The following PCDHGA9 variants were observed in gnomAD, a reference collection of about 807,000 sequenced individuals.
PCDHGA9 encodes protocadherin gamma subfamily A, 9.
In PCDHGA9, 37 loss-of-function variants were observed where a neutral mutation model predicts 62.5. That is an observed-to-expected ratio of 0.59 (90% CI 0.46 to 0.78). The LOEUF (loss-of-function observed/expected upper bound fraction) is 0.78, where lower values mean the gene tolerates loss of function less well. Ranked by LOEUF, PCDHGA9 falls within the 30% of genes least tolerant of loss-of-function variation. The probability of loss-of-function intolerance (pLI) is 0.00; values close to 1 mark genes in which losing one functional copy is unlikely to be tolerated. For missense variants in PCDHGA9, 1,138 were observed against 1,166.2 expected (o/e 0.98, Z 0.35); for synonymous variants, 459 against 484.6 (o/e 0.95, Z 0.69).
At chr5:141,464,838 A>G (rs2099091245) in intron 1 of PCDHGA9, among the ~76,000 whole-genome samples, 1 of 152,182 alleles carries the variant, frequency 6.6e-6, no homozygotes, top group African/African-American at 2.4e-5. Context: ...TCCTGGGCTC[A>G]AGCAATCCTC....
chr5:141,414,648 T>G (rs2095770464), intron 1 of PCDHGA9: 2 of 1,613,844 alleles, frequency 1.2e-6, no homozygotes, highest in Non-Finnish European at 1.7e-6. Context: ...ATGCCCAGAT[T>G]ATTTACTCCC....
chr5:141,437,037 A>G (rs1410732155), intron 1 of PCDHGA9, among the ~76,000 whole-genome samples: 2 of 152,264 alleles, frequency 1.3e-5, no homozygotes, highest in Admixed American at 1.3e-4. Flanking sequence ...TGGATCACCG[A>G]AACCAGAAGG....
chr5:141,423,564 G>A (rs2096754933), intron 1 of PCDHGA9: 2 of 1,613,444 alleles, frequency 1.2e-6, no homozygotes, highest in Non-Finnish European at 1.7e-6. Context: ...ATGGGGACAC[G>A]CTCATCAGCC....
At position 141,402,800 on chromosome 5, in the gene PCDHGA9, C is replaced by T; in HGVS notation, c.-153C>T. 1.9e-6 allele frequency: 2 copies of T among 1,072,726 alleles called. No individual in the cohort carries two copies. The highest frequency in any genetic ancestry group is 1.6e-5 in the African/African-American group (1 of 62,898). The allele number at this position is 1,072,726 out of a possible 1,614,324, so 66.5% of individuals were successfully genotyped here. A position where few individuals can be genotyped will look rare whatever the true frequency, so the allele number is the denominator to read the frequency against. On this transcript the variant is annotated 5_prime_UTR_variant, in exon 1 of 4. Transcript: ENST00000573521. ...TCCAGTTCTGCGGCTACACAAAACC[C>T]GGCAGATACCACAAACCTGCTCCCA... is the stretch of plus-strand genomic sequence containing the variant.
intron 1 of PCDHGA9, among the ~76,000 whole-genome samples, chr5:141,420,845 G>A (rs1038454602): frequency 6.6e-6 from 1 of 152,200 alleles, no homozygotes; most frequent in African/African-American, 2.4e-5. Flanking sequence ...GGTGTTCTTG[G>A]TAAAGTTTTA....
chr5:141,485,074 G>C lies in PCDHGA9; in HGVS notation c.2425-9733G>C, dbSNP rs2099606548. ...GGCCGAACCGCGCCAGAGCTGGCGC[G>C]GGGAAAGGGAGATAGGTGTCTCCAG... On this transcript the variant is annotated intron_variant, in intron 1 of 3. Coordinates refer to ENST00000573521, the MANE Select transcript of PCDHGA9 (RefSeq NM_018921.3). The surrounding 1 kb of genome is among the most constrained non-coding windows in gnomAD (Gnocchi z 5.7). 1 of 926,946 alleles carries C rather than the reference G, an allele frequency of 1.1e-6. No individual in the cohort carries two copies. The highest frequency in any genetic ancestry group is 1.6e-5 in the South Asian group (1 of 62,606). The allele number at this position is 926,946 out of a possible 1,614,324, so 57.4% of individuals were successfully genotyped here.
At chr5:141,444,288 C>T (rs2098430665) in intron 1 of PCDHGA9, among the ~76,000 whole-genome samples, 1 of 150,100 alleles carries the variant, frequency 6.7e-6, no homozygotes, top group South Asian at 2.1e-4. Flanking sequence ...TCTCCTGCCT[C>T]AGCCTCCCTA....
chr5:141,505,589 C>T, intron 3 of PCDHGA9, 108 bp downstream of exon 3: 1 of 1,573,272 alleles, frequency 6.4e-7, no homozygotes, highest in Non-Finnish European at 8.6e-7. Context: ...GTAGTTTCTC[C>T]AGATCTTTCG....
rs1457765340 is a variant in PCDHGA9 at position 141,491,122 on chromosome 5, G to GT, written c.2425-3684dup. 1 of 1,614,058 alleles carries GT rather than the reference G, an allele frequency of 6.2e-7. No homozygotes were observed. Among genetic ancestry groups the GT allele is most frequent in the Non-Finnish European group, 8.5e-7 (1 of 1,180,036 alleles). Reference sequence around the variant, plus strand: ...CCTCGTGTCTACACACACTGGTGAGGTGCGCACAGCCCGGGCCTTACTGGA... The same window carrying GT: ...CCTCGTGTCTACACACACTGGTGAGGTTGCGCACAGCCCGGGCCTTACTGGA... On this transcript the variant is annotated intron_variant, in intron 1 of 3. Coordinates refer to ENST00000573521, the MANE Select transcript of PCDHGA9 (RefSeq NM_018921.3). The surrounding 1 kb of genome is among the most constrained non-coding windows in gnomAD (Gnocchi z 6.9).
chr5:141,490,990 C>A lies in PCDHGA9; in HGVS notation c.2425-3817C>A, dbSNP rs1230384508. On this transcript the variant is annotated intron_variant, in intron 1 of 3. Transcript: ENST00000573521. The surrounding 1 kb of genome is among the most constrained non-coding windows in gnomAD (Gnocchi z 5.4). ...CCCCCAGCGTCTCCCTCGCTCTGCTCCTCCTGGCTCCTTGGTCACCAAGGT... is the reference window on the plus strand; with the variant it reads ...CCCCCAGCGTCTCCCTCGCTCTGCTACTCCTGGCTCCTTGGTCACCAAGGT... The A allele has an allele frequency of 6.2e-7, 1 of 1,614,102 alleles. No homozygotes were observed. The highest frequency in any genetic ancestry group is 8.5e-7 in the Non-Finnish European group (1 of 1,180,022).
chr5:141,482,380 C>A (rs2099557573), intron 1 of PCDHGA9, among the ~76,000 whole-genome samples: 1 of 151,712 alleles, frequency 6.6e-6, no homozygotes, highest in Non-Finnish European at 1.5e-5. Context: ...ATATAAAGTC[C>A]CTGTATGGAG....
intron 1 of PCDHGA9, among the ~76,000 whole-genome samples, chr5:141,449,616 G>A (rs1279953840): frequency 1.6e-4 from 24 of 146,738 alleles, no homozygotes; most frequent in Non-Finnish European, 2.3e-4. Flanking sequence ...AAGTAAAAAA[G>A]TTTTTTAAAA....
chr5:141,413,953 C>A, intron 1 of PCDHGA9: 1 of 1,613,310 alleles, frequency 6.2e-7, no homozygotes, highest in Non-Finnish European at 8.5e-7. Context: ...TGAGAATTTG[C>A]CTGTGGGCAC....
rs769607720 is a variant in PCDHGA9 at position 141,489,346 on chromosome 5, G to A, written c.2425-5461G>A. 4 of 1,611,652 alleles carry A rather than the reference G, an allele frequency of 2.5e-6. No individual in the cohort carries two copies. The highest frequency in any genetic ancestry group is 3.4e-6 in the Non-Finnish European group (4 of 1,178,446). On this transcript the variant is annotated intron_variant, in intron 1 of 3. Transcript: ENST00000573521. The surrounding 1 kb of genome is among the most constrained non-coding windows in gnomAD (Gnocchi z 4.5). Reference sequence around the variant, plus strand: ...GTCTGGGCAGCTTCGTTACTCAGTGGTGGAGGAGTCTGAGCCGGGGACGCT... The same window carrying A: ...GTCTGGGCAGCTTCGTTACTCAGTGATGGAGGAGTCTGAGCCGGGGACGCT...
intron 1 of PCDHGA9, chr5:141,422,056 G>A: frequency 8.7e-6 from 14 of 1,611,934 alleles, no homozygotes; most frequent in Non-Finnish European, 1.2e-5. Flanking sequence ...AATCAACGGG[G>A]AAGTAATGTA....
chr5:141,432,539 G>A lies in PCDHGA9; in HGVS notation c.2424+27163G>A. 2.5e-6 allele frequency: 4 copies of A among 1,614,038 alleles called. No individual in the cohort carries two copies. Among genetic ancestry groups the A allele is most frequent in the Non-Finnish European group, 3.4e-6 (4 of 1,180,022 alleles). ...CTACCTGGTGACCAAGGTGGTGGCG[G>A]TGGACAGAGACTCCGGCCAGAACGC... On this transcript the variant is annotated intron_variant, in intron 1 of 3. Transcript: ENST00000573521. The surrounding 1 kb of genome is among the most constrained non-coding windows in gnomAD (Gnocchi z 6.0).
rs2094549114 is a variant in PCDHGA9, at chr5:141,404,635, A to C, written c.1683A>C (p.Glu561Asp). Residue 561 changes from glutamate to aspartate, a missense_variant, in exon 1 of 4, where the codon GAA (glutamate) becomes GAC (aspartate). Coordinates refer to ENST00000573521, the MANE Select transcript of PCDHGA9 (RefSeq NM_018921.3). ...FVLDQNDNAP[E>D]ILYPALPTDG... ...TGGACCAGAATGACAATGCCCCAGA[A>C]ATCCTGTACCCTGCCCTCCCCACTG... 6.2e-7 allele frequency: 1 copy of C among 1,614,130 alleles called. No homozygotes were observed. The highest frequency in any genetic ancestry group is 8.5e-7 in the Non-Finnish European group (1 of 1,180,032).
chr5:141,468,868 AAATAAT>A (rs993655754), intron 1 of PCDHGA9, among the ~76,000 whole-genome samples: 1 of 151,794 alleles, frequency 6.6e-6, no homozygotes, highest in Non-Finnish European at 1.5e-5. Context: ...TCCATCTCAA[AAATAAT>A]AATAATAATA....
At chr5:141,413,748 T>G (rs1264580781) in intron 1 of PCDHGA9, 1 of 1,613,288 alleles carries the variant, frequency 6.2e-7, no homozygotes, top group Admixed American at 1.7e-5. Flanking sequence ...GCCGTGCCAA[T>G]GGCGTCAAGT....
Sources: gnomAD v4.1 joint callset for allele counts (sites outside exome capture counted in the v4.1 genomes callset) on GRCh38, gnomAD v4.1.1 for gene constraint, Gnocchi (gnomAD v3.1) non-coding constraint, MANE v1.5 for transcripts, NCBI Gene and HGNC (gene_info 2026-07-23, HGNC 2026-07-21) for gene names.